ING4: variants seen among roughly 807,000 people sequenced by gnomAD.
ING4 encodes the protein inhibitor of growth family member 4, also known as inhibitor of growth protein 4.
A neutral mutation model predicts 33.1 loss-of-function variants in ING4; 28 were observed. The ratio of observed to expected loss-of-function variants is 0.85; its 90% confidence interval spans 0.63 to 1.16. ING4 has a LOEUF of 1.16. Among genes scored for constraint, ING4 ranks in the 50% most tolerant of loss-of-function variants. The pLI is 0.00. For missense variants in ING4, 247 were observed against 314.7 expected, an observed-to-expected ratio of 0.78 and a Z score of 1.63; for synonymous variants, 87 against 104.4, an observed-to-expected ratio of 0.83 and a Z score of 1.02.
At chr12:6,653,533 C>G in intron 2 of ING4, 137 bp from the exon 3 acceptor site, 1 of 823,518 alleles carries the variant, frequency 1.2e-6, no homozygotes, top group Non-Finnish European at 1.9e-6. Flanking sequence ...TTCAGAGGTA[C>G]TGTGCCATGC....
At chr12:6,653,431 C>T (rs776735730) in intron 2 of ING4, 35 bp from the exon 3 acceptor site, 3 of 1,594,196 alleles carry the variant, frequency 1.9e-6, no homozygotes, top group South Asian at 2.2e-5. Context: ...CACAATGGCC[C>T]CTGAGTGGCT....
chr12:6,653,025 T>A lies in ING4; in HGVS notation c.302A>T (p.Asp101Val). ...AGCCTCAAAACGGGCCAGGTCTGTG[T>A]CCAGCCGCCGAATGTGTTTGTCCAC... ...EMVDKHIRRL[D>V]TDLARFEADL... is the part of the protein sequence containing the mutation. Residue 101 changes from aspartate (D) to valine (V), a missense_variant, in exon 4 of 8, where the codon GAC (aspartate) becomes GTC (valine). By Grantham distance (152) the Asp-to-Val change is radical. Coordinates refer to ENST00000341550, the MANE Select transcript of ING4 (RefSeq NM_016162.4). The A allele has an allele frequency of 6.2e-7, 1 of 1,614,004 alleles. No homozygotes were observed. Among genetic ancestry groups the A allele is most frequent in the Non-Finnish European group, 8.5e-7 (1 of 1,180,018 alleles).
intron 1 of ING4, among the ~76,000 whole-genome samples, chr12:6,660,118 C>G (rs1461044446): frequency 6.6e-6 from 1 of 152,008 alleles, no homozygotes; most frequent in Non-Finnish European, 1.5e-5. Context: ...TATTTGTCAC[C>G]CCAGTACAAG....
chr12:6,658,120 C>T (rs976544421), intron 1 of ING4, among the ~76,000 whole-genome samples: 2 of 151,330 alleles, frequency 1.3e-5, no homozygotes, highest in East Asian at 2.0e-4. Flanking sequence ...CCACCACACC[C>T]GACTAATTTT....
chr12:6,651,458 C>T (rs1949177173), intron 6 of ING4, 73 bp from the exon 7 acceptor site: 12 of 1,279,976 alleles, frequency 9.4e-6, no homozygotes, highest in Non-Finnish European at 1.2e-5. Flanking sequence ...CTCCAGATTC[C>T]TTAGGAACAT....
In ING4 at chr12:6,655,595, A is replaced by G. The variant is rs1007462822; in HGVS notation, c.109+1132T>C. ...CAACTGTCTTTCCATGCATGAACTC[A>G]AGAGTTACAACTGTATTACAAAAAA... On this transcript the variant is annotated intron_variant, in intron 2 of 7. Transcript: ENST00000341550. The G allele has an allele frequency of 3.6e-6, 4 of 1,115,396 alleles. No homozygotes were observed. In the Admixed American group the frequency reaches 1.9e-4, roughly 52 times the overall value. The allele number at this position is 1,115,396 out of a possible 1,614,324, so 69.1% of individuals were successfully genotyped here.
chr12:6,663,003 C>G, intron 1 of ING4, 62 bp downstream of exon 1: 2 of 1,544,184 alleles, frequency 1.3e-6, no homozygotes, highest in Non-Finnish European at 1.8e-6. Flanking sequence ...GCTACAGATC[C>G]TCTCATCCCT....
chr12:6,653,014 C>A lies in ING4; in HGVS notation c.313G>T (p.Ala105Ser). The A allele has an allele frequency of 6.2e-7, 1 of 1,614,042 alleles. No individual in the cohort carries two copies. The highest frequency in any genetic ancestry group is 8.5e-7 in the Non-Finnish European group (1 of 1,180,032). Residue 105 changes from alanine to serine, a missense_variant, in exon 4 of 8, where the codon GCC becomes TCC. Transcript: ENST00000341550. The part of the protein sequence containing the change: ...KHIRRLDTDL[A>S]RFEADLKEKQ... ...TCCTTGAGATCAGCCTCAAAACGGG[C>A]CAGGTCTGTGTCCAGCCGCCGAATG...
intron 1 of ING4, among the ~76,000 whole-genome samples, chr12:6,660,771 A>C (rs189659029): frequency 5.1e-4 from 77 of 152,310 alleles, no homozygotes; most frequent in Non-Finnish European, 9.4e-4. Context: ...TATCCTAAAA[A>C]ATATCTCTGC....
chr12:6,659,096 T>G (rs538911173), intron 1 of ING4, among the ~76,000 whole-genome samples: 1 of 152,374 alleles, frequency 6.6e-6, no homozygotes, highest in African/African-American at 2.4e-5. Context: ...TCTAGCCACC[T>G]TTTTAAAGCA....
At chr12:6,662,941 C>G in intron 1 of ING4, 124 bp downstream of exon 1, 1 of 1,071,852 alleles carries the variant, frequency 9.3e-7, no homozygotes, top group East Asian at 2.6e-5. Context: ...CCAATATTTC[C>G]TGCCACAGAA....
intron 1 of ING4, among the ~76,000 whole-genome samples, chr12:6,660,693 G>C (rs1393897895): frequency 6.6e-6 from 1 of 151,990 alleles, no homozygotes. Context: ...ACAACTTCAG[G>C]TCTGCTACCA....
At chr12:6,660,886 A>T (rs1184599517) in intron 1 of ING4, among the ~76,000 whole-genome samples, 2 of 149,786 alleles carry the variant, frequency 1.3e-5, no homozygotes, top group Non-Finnish European at 3.0e-5. Flanking sequence ...GCGCAATCTC[A>T]GGTTCAAGGA....
chr12:6,660,918 A>G (rs1949526597), intron 1 of ING4, among the ~76,000 whole-genome samples: 6 of 151,516 alleles, frequency 4.0e-5, no homozygotes, highest in Admixed American at 3.9e-4. Context: ...TCAGCCTCCC[A>G]AGTAGCTGGG....
At chr12:6,654,325 A>G (rs577230471) in intron 2 of ING4, among the ~76,000 whole-genome samples, 216 of 139,584 alleles carry the variant, frequency 1.5e-3, no homozygotes, top group Non-Finnish European at 2.3e-3. Flanking sequence ...TGCTCACTCT[A>G]TTTTTCTTTT....
Position 6,656,811 on chromosome 12 carries a change from G to A in ING4, c.38-13C>T. 1 of 1,517,220 alleles carries A rather than the reference G, an allele frequency of 6.6e-7. No homozygotes were observed. The highest frequency in any genetic ancestry group is 2.4e-5 in the East Asian group (1 of 41,696). The allele number at this position is 1,517,220 out of a possible 1,614,324, so 94.0% of individuals were successfully genotyped here. A position where few individuals can be genotyped will look rare whatever the true frequency, so the allele number is the denominator to read the frequency against. ...AGGTTTTCAATACCTAGGGAAGAGA[G>A]AGAAACAATCACAGGACTGACTATG... On this transcript the variant is annotated splice_polypyrimidine_tract_variant and intron_variant, in intron 1 of 7. Transcript: ENST00000341550.
At position 6,651,239 on chromosome 12, in the gene ING4, A is replaced by G. The variant is rs754910604; in HGVS notation, c.708-5T>C. ...TGGGAGCAGCGTGGGCAAAACCTGA[A>G]ACAGAGAAGGGGAGAGAAAAGTGAG... On this transcript the variant is annotated splice_region_variant and splice_polypyrimidine_tract_variant and intron_variant, in intron 7 of 7. Transcript: ENST00000341550. 28 of 1,614,070 alleles carry G rather than the reference A, an allele frequency of 1.7e-5. No individual in the cohort carries two copies. In the Middle Eastern group the frequency reaches 4.9e-4, roughly 28 times the overall value.
intron 2 of ING4, among the ~76,000 whole-genome samples, chr12:6,655,273 A>T (rs1844363560): frequency 6.6e-6 from 1 of 152,020 alleles, no homozygotes; most frequent in South Asian, 2.1e-4. Context: ...CAAACTCCTT[A>T]TCTCAGGAGA....
chr12:6,662,920 C>T (rs1949604602), intron 1 of ING4, 145 bp downstream of exon 1: 6 of 878,914 alleles, frequency 6.8e-6, no homozygotes, highest in African/African-American at 3.4e-5. Context: ...CCCCCTCTTT[C>T]TCCGCACCCT....
Sources: allele counts gnomAD v4.1 joint callset (sites outside exome capture counted in the v4.1 genomes callset), GRCh38; gene constraint gnomAD v4.1.1; transcripts MANE v1.5; gene names NCBI Gene and HGNC (gene_info 2026-07-23, HGNC 2026-07-21).